Variants in CDH6 observed in about 807,000 individuals in gnomAD.
CDH6 encodes cadherin-6.
Under a neutral mutation model 78.0 loss-of-function variants are expected in CDH6, and 31 were observed. The ratio of observed to expected loss-of-function variants is 0.40; its 90% CI spans 0.30 to 0.54. The LOEUF is 0.54. Among genes scored for constraint, CDH6 ranks in the 20% least tolerant of loss-of-function variants. The pLI, the probability that CDH6 is intolerant of heterozygous loss-of-function variation, is 0.56. For synonymous variants in CDH6, 376 were observed against 368.8 expected, an observed-to-expected ratio of 1.02 and a Z score of -0.23; for missense variants, 724 against 975.9, an observed-to-expected ratio of 0.74 and a Z score of 3.44.
chr5:31,264,263 GA>G (rs1351067374), intron 1 of CDH6, among the ~76,000 whole-genome samples: 1 of 152,206 alleles, frequency 6.6e-6, no homozygotes, highest in East Asian at 1.9e-4. Flanking sequence ...ATGTATTGTA[GA>G]TGGATTCTAT....
At position 31,246,326 on chromosome 5, in the gene CDH6, C is replaced by T. The variant is rs559118847; in HGVS notation, c.-128-21020C>T. On this transcript the variant is annotated intron_variant, in intron 1 of 11. Transcript: ENST00000265071. ...AGGAATAGAAATTTGTTTTCTGCAT[C>T]CCCCACTCCATTGCACCCTATTGCT... Among the ~76,000 whole-genome samples, 104 of 152,214 alleles carry T rather than the reference C, an allele frequency of 6.8e-4. 1 individual carries two copies. The highest frequency in any genetic ancestry group is 2.4e-3 in the African/African-American group (98 of 41,534).
intron 2 of CDH6, among the ~76,000 whole-genome samples, chr5:31,273,570 C>T (rs1742593424): frequency 6.6e-6 from 1 of 152,134 alleles, no homozygotes; most frequent in Admixed American, 6.5e-5. Context: ...TGTCTGACCA[C>T]CTAGCTACTC....
chr5:31,307,237 C>T (rs1426553406), intron 7 of CDH6, among the ~76,000 whole-genome samples: 11 of 152,046 alleles, frequency 7.2e-5, no homozygotes, highest in Non-Finnish European at 1.2e-4. Context: ...TCTAAAACTC[C>T]GTTTTAAAAG....
intron 1 of CDH6, among the ~76,000 whole-genome samples, chr5:31,200,917 A>G (rs1740334328): frequency 6.6e-6 from 1 of 152,184 alleles, no homozygotes; most frequent in African/African-American, 2.4e-5. Context: ...CACAGGAAGG[A>G]GCTTAAAGAT....
intron 1 of CDH6, among the ~76,000 whole-genome samples, chr5:31,260,360 A>C (rs1310042053): frequency 6.6e-6 from 1 of 152,176 alleles, no homozygotes; most frequent in Non-Finnish European, 1.5e-5. Context: ...TCTGCTCTTC[A>C]TCATATTCTC....
intron 8 of CDH6, among the ~76,000 whole-genome samples, chr5:31,313,967 T>C (rs888525539): frequency 1.2e-4 from 18 of 152,218 alleles, no homozygotes; most frequent in African/African-American, 4.3e-4. Context: ...AAGTGAGTAA[T>C]ACAAGCCATC....
At chr5:31,243,166 G>C (rs190570375) in intron 1 of CDH6, among the ~76,000 whole-genome samples, 1 of 152,156 alleles carries the variant, frequency 6.6e-6, no homozygotes, top group African/African-American at 2.4e-5. Context: ...CTTCTGGTGT[G>C]AGAACCCTCC....
intron 1 of CDH6, among the ~76,000 whole-genome samples, chr5:31,199,292 A>T (rs1740255187): frequency 1.3e-5 from 2 of 151,358 alleles, no homozygotes; most frequent in Non-Finnish European, 3.0e-5. Flanking sequence ...ACACACATAT[A>T]TATAGTGGAC....
At chr5:31,267,838 T>C (rs78708564) in intron 2 of CDH6, 137 bp downstream of exon 2, 1 of 644,526 alleles carries the variant, frequency 1.6e-6, no homozygotes, top group Non-Finnish European at 2.7e-6. Flanking sequence ...TTTTTTTTTT[T>C]CCACTTGAGT....
intron 1 of CDH6, among the ~76,000 whole-genome samples, chr5:31,224,101 CA>C (rs1041894535): frequency 1.3e-5 from 2 of 152,128 alleles, no homozygotes; most frequent in African/African-American, 4.8e-5. Flanking sequence ...GGGAAATTTA[CA>C]AAAGAAAGAG....
intron 11 of CDH6, among the ~76,000 whole-genome samples, chr5:31,321,986 C>G (rs1579918000): frequency 6.6e-6 from 1 of 152,068 alleles, no homozygotes; most frequent in Non-Finnish European, 1.5e-5. Flanking sequence ...AGATCAGGAG[C>G]TATTTAAACG....
At chr5:31,242,370 A>G (rs188584639) in intron 1 of CDH6, among the ~76,000 whole-genome samples, 11 of 152,238 alleles carry the variant, frequency 7.2e-5, no homozygotes, top group African/African-American at 2.6e-4. Flanking sequence ...CCAACCTCAC[A>G]ATGTTGTCTC....
chr5:31,268,406 T>A (rs1742420552), intron 2 of CDH6, among the ~76,000 whole-genome samples: 1 of 152,190 alleles, frequency 6.6e-6, no homozygotes, highest in African/African-American at 2.4e-5. Flanking sequence ...GAGGCATCAC[T>A]TATTATAGCC....
intron 1 of CDH6, among the ~76,000 whole-genome samples, chr5:31,216,021 A>C (rs79316447): frequency 6.6e-6 from 1 of 152,202 alleles, no homozygotes; most frequent in East Asian, 1.9e-4. Context: ...TCCTACAGCA[A>C]AAGTATAAAG....
chr5:31,295,145 A>G (rs2149948187), intron 3 of CDH6, among the ~76,000 whole-genome samples: 1 of 152,312 alleles, frequency 6.6e-6, no homozygotes, highest in East Asian at 1.9e-4. Flanking sequence ...ATCGTTGTAA[A>G]ACATCTACAT....
At chr5:31,195,794 C>T (rs2111757905) in intron 1 of CDH6, among the ~76,000 whole-genome samples, 1 of 152,272 alleles carries the variant, frequency 6.6e-6, no homozygotes, top group Admixed American at 6.5e-5. Context: ...TAAAAAGGTA[C>T]TGAAGGAAAA....
intron 2 of CDH6, among the ~76,000 whole-genome samples, chr5:31,281,162 G>A (rs985579791): frequency 6.6e-6 from 1 of 152,090 alleles, no homozygotes; most frequent in Non-Finnish European, 1.5e-5. Flanking sequence ...TTACCTTTCA[G>A]GAAGAACATG....
intron 1 of CDH6, chr5:31,251,570 C>G (rs1741910262): frequency 6.6e-6 from 1 of 152,166 alleles, no homozygotes; most frequent in Admixed American, 6.5e-5. Flanking sequence ...TTAATCTCAG[C>G]TCTGAGAGTT....
chr5:31,269,584 G>T (rs1282402637), intron 2 of CDH6, among the ~76,000 whole-genome samples: 1 of 137,450 alleles, frequency 7.3e-6, no homozygotes, highest in African/African-American at 2.6e-5. Flanking sequence ...GGTGCATAAA[G>T]AAGTTACTAT....
Sources: gnomAD v4.1 joint callset for allele counts (sites outside exome capture counted in the v4.1 genomes callset) on GRCh38, gnomAD v4.1.1 for gene constraint, MANE v1.5 for transcripts, NCBI Gene and HGNC (gene_info 2026-07-23, HGNC 2026-07-21) for gene names.